Variants in RASA2 observed in about 807,000 individuals in gnomAD.
The protein encoded by RASA2 is RAS p21 protein activator 2, also known as ras GTPase-activating protein 2.
A neutral mutation model predicts 118.2 loss-of-function variants in RASA2; 155 were observed. That is an observed-to-expected ratio of 1.31 (90% CI 1.15 to 1.50). The LOEUF is 1.50. Ranked by LOEUF, RASA2 falls within the 40% of genes most tolerant of loss-of-function variation. RASA2 has a pLI of 0.00. For synonymous variants in RASA2, 353 were observed against 349.1 expected, an observed-to-expected ratio of 1.01 and a Z score of -0.12; for missense variants, 1,016 against 1,009.6, an observed-to-expected ratio of 1.01 and a Z score of -0.09.
chr3:141,529,274 T>C (rs1165470988), intron 3 of RASA2, among the ~76,000 whole-genome samples: 3 of 152,108 alleles, frequency 2.0e-5, no homozygotes, highest in Non-Finnish European at 2.9e-5. Context: ...TTTCTCTTAA[T>C]TGGAATTTAT....
At chr3:141,604,257 T>C (rs7650628) in intron 19 of RASA2, among the ~76,000 whole-genome samples, 1 of 152,208 alleles carries the variant, frequency 6.6e-6, no homozygotes, top group South Asian at 2.1e-4. Context: ...TATTTACTAG[T>C]CTTTTCTGTT....
chr3:141,502,916 T>C (rs1353743586), intron 1 of RASA2, among the ~76,000 whole-genome samples: 3 of 152,222 alleles, frequency 2.0e-5, no homozygotes, highest in African/African-American at 7.2e-5. Context: ...CAGATGGGAA[T>C]AGTTTCTCAG....
intron 18 of RASA2, among the ~76,000 whole-genome samples, chr3:141,586,405 A>T (rs1577791999): frequency 6.6e-6 from 1 of 152,202 alleles, no homozygotes; most frequent in South Asian, 2.1e-4. Context: ...AAGGGGGGGA[A>T]CCACTCATTT....
intron 4 of RASA2, among the ~76,000 whole-genome samples, chr3:141,532,036 G>A (rs1371018821): frequency 6.6e-6 from 1 of 151,908 alleles, no homozygotes; most frequent in Non-Finnish European, 1.5e-5. Flanking sequence ...CGTTCAACAG[G>A]AACTCAGTCT....
chr3:141,577,810 T>A (rs2083037767), intron 15 of RASA2, among the ~76,000 whole-genome samples: 1 of 152,182 alleles, frequency 6.6e-6, no homozygotes, highest in East Asian at 1.9e-4. Flanking sequence ...ACATGAGATT[T>A]AAAAATTTCT....
At chr3:141,510,866 T>G (rs2081940745) in intron 1 of RASA2, among the ~76,000 whole-genome samples, 2 of 152,146 alleles carry the variant, frequency 1.3e-5, no homozygotes, top group Admixed American at 1.3e-4. Context: ...ATAATTTTAT[T>G]CTAAGTGAAA....
Position 141,608,125 on chromosome 3 carries a change from A to G in RASA2, c.2017-364A>G, listed in dbSNP as rs1190409384. ...CCAGCTTTGTCTTCTGCTCCCATTC[A>G]GTGCATACCATACACTTAAGCCAAC... On this transcript the variant is annotated intron_variant, in intron 20 of 23. Coordinates refer to ENST00000286364, the MANE Select transcript of RASA2 (RefSeq NM_006506.5). 2.6e-5 allele frequency among the ~76,000 whole-genome samples: 4 copies of G among 152,286 alleles called. No homozygotes were observed. In the South Asian group the frequency reaches 6.2e-4, roughly 24 times the overall value.
At chr3:141,529,418 A>G (rs2082227412) in intron 3 of RASA2, among the ~76,000 whole-genome samples, 1 of 152,108 alleles carries the variant, frequency 6.6e-6, no homozygotes, top group Non-Finnish European at 1.5e-5. Context: ...TAAAAACATG[A>G]ATCTGAATAA....
chr3:141,515,470 C>T (rs918731212), intron 2 of RASA2, among the ~76,000 whole-genome samples: 1 of 152,146 alleles, frequency 6.6e-6, no homozygotes, highest in Non-Finnish European at 1.5e-5. Context: ...AGAACTCATA[C>T]TGGCAACTTA....
At chr3:141,612,077 T>A (rs530997102) in intron 23 of RASA2, among the ~76,000 whole-genome samples, 1 of 152,342 alleles carries the variant, frequency 6.6e-6, no homozygotes, top group South Asian at 2.1e-4. Flanking sequence ...TCTTGGTCTG[T>A]TTTGTTTACT....
At chr3:141,488,390 A>G (rs978443218) in intron 1 of RASA2, among the ~76,000 whole-genome samples, 19 of 152,256 alleles carry the variant, frequency 1.2e-4, no homozygotes, top group Admixed American at 9.2e-4. Flanking sequence ...GTGGCTAACA[A>G]TTCTTTCCTG....
intron 4 of RASA2, among the ~76,000 whole-genome samples, chr3:141,536,372 G>A (rs761688463): frequency 3.3e-5 from 5 of 152,088 alleles, no homozygotes; most frequent in South Asian, 2.1e-4. Context: ...ACCTCCCCCC[G>A]GGTTCCTCCC....
chr3:141,590,859 A>C (rs79758368), intron 19 of RASA2, among the ~76,000 whole-genome samples: 5,465 of 152,244 alleles, frequency 0.036, 346 homozygotes, highest in African/African-American at 0.12. Context: ...TTTTCTCTGT[A>C]TTAAGGATTT....
chr3:141,594,551 C>A (rs2083337769), intron 19 of RASA2, among the ~76,000 whole-genome samples: 1 of 151,948 alleles, frequency 6.6e-6, no homozygotes, highest in Admixed American at 6.6e-5. Context: ...AAGATACATA[C>A]ACAGGGGAAC....
intron 1 of RASA2, among the ~76,000 whole-genome samples, chr3:141,501,471 C>G (rs2081781092): frequency 6.6e-6 from 1 of 152,142 alleles, no homozygotes; most frequent in African/African-American, 2.4e-5. Flanking sequence ...AGCGCTTTAC[C>G]TTAGTTAATG....
chr3:141,571,954 T>A (rs918480161), intron 11 of RASA2, among the ~76,000 whole-genome samples: 20 of 151,250 alleles, frequency 1.3e-4, no homozygotes, highest in African/African-American at 4.8e-4. Context: ...CTAACACTGT[T>A]GTTTTTTTAC....
At chr3:141,544,939 T>C (rs2082462188) in intron 5 of RASA2, among the ~76,000 whole-genome samples, 1 of 152,106 alleles carries the variant, frequency 6.6e-6, no homozygotes, top group African/African-American at 2.4e-5. Context: ...AGCTAAATGA[T>C]GAGAATGCAT....
At chr3:141,564,249 AT>A (rs1378333880) in intron 9 of RASA2, among the ~76,000 whole-genome samples, 1 of 152,154 alleles carries the variant, frequency 6.6e-6, no homozygotes, top group Non-Finnish European at 1.5e-5. Context: ...TCCCTCAGTT[AT>A]TTGGAGCTAA....
intron 5 of RASA2, among the ~76,000 whole-genome samples, chr3:141,548,828 C>T (rs893160943): frequency 2.6e-5 from 4 of 152,150 alleles, no homozygotes; most frequent in Non-Finnish European, 4.4e-5. Flanking sequence ...CATCTTTTTC[C>T]GTGACCTATT....
Sources: gnomAD v4.1 joint callset for allele counts (sites outside exome capture counted in the v4.1 genomes callset) on GRCh38, gnomAD v4.1.1 for gene constraint, MANE v1.5 for transcripts, NCBI Gene and HGNC (gene_info 2026-07-23, HGNC 2026-07-21) for gene names.